TAFA2: variants seen among roughly 807,000 people sequenced by gnomAD.
TAFA2 encodes chemokine-like protein TAFA-2.
A neutral mutation model predicts 18.8 loss-of-function variants in TAFA2; 7 were observed. That is an observed-to-expected ratio of 0.37 (90% CI 0.21 to 0.70). TAFA2 has a LOEUF of 0.70. Among genes scored for constraint, TAFA2 ranks in the 30% least tolerant of loss-of-function variants. The probability of loss-of-function intolerance (pLI) is 0.53; values close to 1 mark genes in which losing one functional copy is unlikely to be tolerated. For synonymous variants in TAFA2, 60 were observed against 54.2 expected (o/e 1.11, Z -0.47); for missense variants, 122 against 158.1 (o/e 0.77, Z 1.23).
intron 2 of TAFA2, among the ~76,000 whole-genome samples, chr12:61,791,236 T>C (rs2120926820): frequency 6.6e-6 from 1 of 151,958 alleles, no homozygotes; most frequent in East Asian, 1.9e-4. Context: ...ATATGAGACC[T>C]GAAACTATAA....
intron 2 of TAFA2, among the ~76,000 whole-genome samples, chr12:61,819,340 A>C (rs932940028): frequency 3.3e-5 from 5 of 152,224 alleles, no homozygotes; most frequent in African/African-American, 9.6e-5. Flanking sequence ...CTATAATCAT[A>C]TCCAAAGCAG....
At chr12:61,943,714 T>G (rs1483083074) in intron 1 of TAFA2, among the ~76,000 whole-genome samples, 2 of 151,546 alleles carry the variant, frequency 1.3e-5, no homozygotes, top group African/African-American at 2.4e-5. Context: ...AGAAGGCCAT[T>G]ACATAATGGT....
At chr12:61,965,824 G>A (rs1160734299) in intron 1 of TAFA2, among the ~76,000 whole-genome samples, 2 of 151,868 alleles carry the variant, frequency 1.3e-5, no homozygotes, top group Non-Finnish European at 2.9e-5. Context: ...AGAATGGCAT[G>A]GCATTGTGCA....
At chr12:62,093,409 G>A (rs886869385) in intron 1 of TAFA2, among the ~76,000 whole-genome samples, 2 of 151,990 alleles carry the variant, frequency 1.3e-5, no homozygotes, top group African/African-American at 2.4e-5. Context: ...ATAGCAAGGT[G>A]CAGCACAGAC....
chr12:61,948,421 G>GGTAAAT (rs1209549000), intron 1 of TAFA2, among the ~76,000 whole-genome samples: 1 of 151,986 alleles, frequency 6.6e-6, no homozygotes, highest in East Asian at 1.9e-4. Context: ...ATCAACTAGA[G>GGTAAAT]GTAAATGTTG....
At chr12:61,997,999 A>G (rs1009425150) in intron 1 of TAFA2, among the ~76,000 whole-genome samples, 1 of 152,188 alleles carries the variant, frequency 6.6e-6, no homozygotes, top group Non-Finnish European at 1.5e-5. Flanking sequence ...GATCCCCCTC[A>G]GTTCCAATCT....
intron 1 of TAFA2, among the ~76,000 whole-genome samples, chr12:62,219,896 G>A (rs771303255): frequency 6.6e-6 from 1 of 152,104 alleles, no homozygotes; most frequent in Non-Finnish European, 1.5e-5. Flanking sequence ...CTGTAGATAT[G>A]AACTATTTTT....
chr12:62,251,255 A>G (rs1349756789), intron 1 of TAFA2, among the ~76,000 whole-genome samples: 3 of 152,198 alleles, frequency 2.0e-5, no homozygotes, highest in Non-Finnish European at 4.4e-5. Context: ...CAGAACATGC[A>G]GATCTAGTAA....
rs377190686 is a variant in TAFA2 at position 61,830,062 on chromosome 12, T to G, written c.106+37258A>C. ...ATAAAAAAATACTTGTACTGGTATATTTATCACAGCACTACTCATAATAGC... is the reference window on the plus strand; with the variant it reads ...ATAAAAAAATACTTGTACTGGTATAGTTATCACAGCACTACTCATAATAGC... On this transcript the variant is annotated intron_variant, in intron 2 of 4. Transcript: ENST00000416284. Among the ~76,000 whole-genome samples the G allele has an allele frequency of 3.3e-5, 5 of 151,614 alleles. No individual in the cohort carries two copies. The East Asian group carries it at 9.7e-4, about 29-fold the overall frequency.
At chr12:61,832,548 A>C (rs7301639) in intron 2 of TAFA2, among the ~76,000 whole-genome samples, 9,524 of 152,060 alleles carry the variant, frequency 0.063, 992 homozygotes, top group African/African-American at 0.22. Context: ...CAAATTCCTG[A>C]TTGAAATAAT....
intron 2 of TAFA2, among the ~76,000 whole-genome samples, chr12:61,860,422 T>G (rs545402383): frequency 6.6e-6 from 1 of 152,214 alleles, no homozygotes; most frequent in South Asian, 2.1e-4. Context: ...AAATCAGTGC[T>G]CTTAAACTTT....
chr12:61,875,836 A>G lies in TAFA2; in HGVS notation c.-1-8410T>C, dbSNP rs1220525343. ...TGAATTGAAACAGGTGGTAGGAGACAAGCAGTTGACTTGTAGATCTGTAAA... is the reference window on the plus strand; with the variant it reads ...TGAATTGAAACAGGTGGTAGGAGACGAGCAGTTGACTTGTAGATCTGTAAA... On this transcript the variant is annotated intron_variant, in intron 1 of 4. Coordinates refer to ENST00000416284, the MANE Select transcript of TAFA2 (RefSeq NM_178539.5). 3.3e-5 allele frequency among the ~76,000 whole-genome samples: 5 copies of G among 151,654 alleles called. No homozygotes were observed. The East Asian group carries it at 9.6e-4, about 29-fold the overall frequency.
intron 1 of TAFA2, chr12:62,207,227 A>G (rs1157646666): frequency 1.3e-5 from 2 of 152,236 alleles, no homozygotes; most frequent in Non-Finnish European, 2.9e-5. Context: ...ACAGTGATGT[A>G]CATCTTTGTT....
At chr12:61,995,648 A>G (rs760907594) in intron 1 of TAFA2, among the ~76,000 whole-genome samples, 1 of 152,150 alleles carries the variant, frequency 6.6e-6, no homozygotes, top group Non-Finnish European at 1.5e-5. Context: ...TGCAAGATTT[A>G]AGGGTACATT....
At chr12:62,197,527 A>G (rs915695534), upstream of TAFA2, among the ~76,000 whole-genome samples, 1 of 152,216 alleles carries the variant, frequency 6.6e-6, no homozygotes, top group African/African-American at 2.4e-5. Flanking sequence ...ACACATGGGT[A>G]TATCTGTGAA....
intron 1 of TAFA2, chr12:61,878,115 G>C (rs754041339): frequency 2.2e-6 from 1 of 455,230 alleles, no homozygotes; most frequent in South Asian, 1.6e-5. Flanking sequence ...CGTTGAGACA[G>C]AAAGTAGAAT....
chr12:62,221,248 A>AGGAAGGAT (rs2062761300), intron 1 of TAFA2, among the ~76,000 whole-genome samples: 1 of 149,214 alleles, frequency 6.7e-6, no homozygotes, highest in Non-Finnish European at 1.5e-5. Context: ...GAAGGAAGGA[A>AGGAAGGAT]GGAAGGAAGG....
chr12:61,836,711 AT>A (rs1215797519), intron 2 of TAFA2, among the ~76,000 whole-genome samples: 6 of 144,696 alleles, frequency 4.1e-5, no homozygotes, highest in African/African-American at 1.5e-4. Flanking sequence ...AGCACTTAGT[AT>A]TTAGAATTGT....
chr12:62,009,832 T>G (rs1880671515), intron 1 of TAFA2, among the ~76,000 whole-genome samples: 1 of 152,194 alleles, frequency 6.6e-6, no homozygotes, highest in Non-Finnish European at 1.5e-5. Flanking sequence ...ATGATAATAA[T>G]TATCCAACCA....
Sources: allele counts gnomAD v4.1 joint callset (sites outside exome capture counted in the v4.1 genomes callset), GRCh38; gene constraint gnomAD v4.1.1; transcripts MANE v1.5; gene names NCBI Gene and HGNC (gene_info 2026-07-23, HGNC 2026-07-21).